UBA5: variants seen among roughly 807,000 people sequenced by gnomAD.
UBA5 encodes the protein ubiquitin like modifier activating enzyme 5, also known as ubiquitin-like modifier-activating enzyme 5.
Under a neutral mutation model 52.9 loss-of-function variants are expected in UBA5, and 28 were observed. The ratio of observed to expected loss-of-function variants is 0.53; its 90% confidence interval spans 0.39 to 0.73. The LOEUF is 0.73. Among genes scored for constraint, UBA5 ranks in the 30% least tolerant of loss-of-function variants. UBA5 has a pLI of 0.00. For missense variants in UBA5, 388 were observed against 492.7 expected (o/e 0.79, Z 2.01); for synonymous variants, 135 against 162.1 (o/e 0.83, Z 1.27).
At position 132,678,596 on chromosome 3, in the gene UBA5, G is replaced by A. The variant is rs1443895309; in HGVS notation, c.*2070G>A. Among the ~76,000 whole-genome samples, 1 of 152,046 alleles carries A rather than the reference G, an allele frequency of 6.6e-6. No homozygotes were observed. Among genetic ancestry groups the A allele is most frequent in the Non-Finnish European group, 1.5e-5 (1 of 67,996 alleles). ...GTTTCTTCTCATAAAAATACTCCCT[G>A]GATACGTACACTGAACAACACAAAA... On this transcript the variant is annotated 3_prime_UTR_variant, in exon 12 of 12. Transcript: ENST00000356232.
chr3:132,671,789 C>G lies in UBA5; in HGVS notation c.592C>G (p.Leu198Val). ...RMTINTACNE[L>V]GQTWMESGVS... ...CATTTCTACTAAGGCTTGTAATGAA[C>G]TTGGACAAACATGGATGGAATCTGG... The change falls in exon 7 of 12, where the codon CTT (leucine) becomes GTT (valine). Residue 198 changes from leucine to valine, a missense_variant. Physicochemically the swap from Leu to Val is conservative, Grantham distance 32. Coordinates refer to ENST00000356232, the MANE Select transcript of UBA5 (RefSeq NM_024818.6). 6.2e-7 allele frequency: 1 copy of G among 1,612,000 alleles called. No homozygotes were observed. The highest frequency in any genetic ancestry group is 8.5e-7 in the Non-Finnish European group (1 of 1,179,348).
intron 6 of UBA5, 113 bp from the exon 7 acceptor site, chr3:132,671,664 C>T: frequency 1.2e-6 from 1 of 800,828 alleles, no homozygotes; most frequent in East Asian, 2.7e-5. Flanking sequence ...CTCATTTGTT[C>T]TGAAAATTAA....
Position 132,668,945 on chromosome 3 carries a change from C to G in UBA5, c.407+18C>G, listed in dbSNP as rs752886771. 6.9e-7 allele frequency: 1 copy of G among 1,447,268 alleles called. No homozygotes were observed. The highest frequency in any genetic ancestry group is 2.3e-5 in the East Asian group (1 of 43,708). 89.7% of individuals were successfully genotyped at this position (1,447,268 alleles called of 1,614,324 possible). A position where few individuals can be genotyped will look rare whatever the true frequency, so the allele number is the denominator to read the frequency against. ...ACTCTGAGGTAAATGGAATAGCAAT[C>G]AAGTACCATATTCAGTGAAATCTTA... On this transcript the variant is annotated intron_variant, in intron 4 of 11. Transcript: ENST00000356232.
Position 132,677,121 on chromosome 3 carries a change from T to C in UBA5, c.*595T>C. The C allele has an allele frequency of 3.9e-6, 1 of 256,044 alleles. No homozygotes were observed. Among genetic ancestry groups the C allele is most frequent in the South Asian group, 4.7e-5 (1 of 21,142 alleles). The allele number at this position is 256,044 out of a possible 1,614,324, so 15.9% of individuals were successfully genotyped here. On this transcript the variant is annotated 3_prime_UTR_variant, in exon 12 of 12. Coordinates refer to ENST00000356232, the MANE Select transcript of UBA5 (RefSeq NM_024818.6). ...GAAATGTAGTTATTGGAAAAGTCTG[T>C]AACCTGTGGATCATATATATTCAAA...
chr3:132,666,656 C>T (rs887887838), intron 3 of UBA5, among the ~76,000 whole-genome samples: 1 of 152,048 alleles, frequency 6.6e-6, no homozygotes, highest in African/African-American at 2.4e-5. Context: ...ATTATATATC[C>T]TTTAATTTGT....
rs1004176986 is a variant in UBA5, at chr3:132,679,241, C to G, written c.*2715C>G. Among the ~76,000 whole-genome samples the G allele has an allele frequency of 9.2e-5, 14 of 151,768 alleles. No homozygotes were observed. Among genetic ancestry groups the G allele is most frequent in the Admixed American group, 7.9e-4 (12 of 15,228 alleles). Reference sequence around the variant, plus strand: ...TGAGATAGTGCCACTGCACTCCAGTCTGGAAAACAGAGTGAGACTCTGTCT... The same window carrying G: ...TGAGATAGTGCCACTGCACTCCAGTGTGGAAAACAGAGTGAGACTCTGTCT... On this transcript the variant is annotated 3_prime_UTR_variant, in exon 12 of 12. Transcript: ENST00000356232.
chr3:132,678,177 T>C lies in UBA5; in HGVS notation c.*1651T>C, dbSNP rs1318111501. On this transcript the variant is annotated 3_prime_UTR_variant, in exon 12 of 12. Coordinates refer to ENST00000356232, the MANE Select transcript of UBA5 (RefSeq NM_024818.6). ...TGCCTGTGTCTTACACTGCACCAAATGTTACCTAATTGACCTAACTTTTTT... is the reference window on the plus strand; with the variant it reads ...TGCCTGTGTCTTACACTGCACCAAACGTTACCTAATTGACCTAACTTTTTT... 2.6e-5 allele frequency: 4 copies of C among 152,178 alleles called. No individual in the cohort carries two copies. The highest frequency in any genetic ancestry group is 9.7e-5 in the African/African-American group (4 of 41,438). 9.4% of individuals were successfully genotyped at this position (152,178 alleles called of 1,614,324 possible). A position where few individuals can be genotyped will look rare whatever the true frequency, so the allele number is the denominator to read the frequency against.
At chr3:132,667,308 C>T (rs947757869) in intron 3 of UBA5, 1 of 152,124 alleles carries the variant, frequency 6.6e-6, no homozygotes, top group Non-Finnish European at 1.5e-5. Context: ...TAGACCACGC[C>T]ATTTTGAGTA....
At chr3:132,659,681 G>C (rs148497159), upstream of UBA5, 4 of 1,611,404 alleles carry the variant, frequency 2.5e-6, no homozygotes, top group South Asian at 4.4e-5. Flanking sequence ...GGCCTCCAGG[G>C]ACTTGCTGTC....
In UBA5 at chr3:132,671,859, C is replaced by G. The variant is rs2107943101; in HGVS notation, c.662C>G (p.Pro221Arg). The change falls in exon 7 of 12, where the codon CCT becomes CGT. Residue 221 changes from proline to arginine, a missense_variant. Pro to Arg is a moderately radical substitution (Grantham distance 103, BLOSUM62 -2). This residue lies in a region of UBA5 where 277 missense variants were observed against 326.4 expected (regional missense o/e 0.85). Coordinates refer to ENST00000356232, the MANE Select transcript of UBA5 (RefSeq NM_024818.6). Reference sequence around the variant, plus strand: ...TCAGGGCATATACAGCTTATAATTCCTGGAGAATCTGCTTGTTTTGCGGTA... The same window carrying G: ...TCAGGGCATATACAGCTTATAATTCGTGGAGAATCTGCTTGTTTTGCGGTA... ...AVSGHIQLIIPGESACFACAP... is the reference protein window; with the variant it reads ...AVSGHIQLIIRGESACFACAP... 1 of 1,613,160 alleles carries G rather than the reference C, an allele frequency of 6.2e-7. No individual in the cohort carries two copies. The highest frequency in any genetic ancestry group is 8.5e-7 in the Non-Finnish European group (1 of 1,179,732).
At position 132,675,916 on chromosome 3, in the gene UBA5, C is replaced by CA. The variant is rs866919812; in HGVS notation, c.1130dup (p.Gln378AlafsTer7). On this transcript the variant is annotated frameshift_variant, in exon 11 of 12. Transcript: ENST00000356232. LOFTEE classifies it high-confidence loss of function. ...GGAATTACAGTGGCATACACAATTC[C>CA]AAAAAAGGTACTTCAAAAATATGAT... The CA allele has an allele frequency of 1.3e-6, 2 of 1,582,072 alleles. No homozygotes were observed. Among genetic ancestry groups the CA allele is most frequent in the Non-Finnish European group, 1.7e-6 (2 of 1,165,932 alleles).
intron 5 of UBA5, 115 bp downstream of exon 5, chr3:132,670,399 T>G: frequency 3.8e-6 from 2 of 524,442 alleles, no homozygotes; most frequent in East Asian, 3.5e-5. Flanking sequence ...ATTTTTCCAT[T>G]TTTTTAGTAC....
chr3:132,677,919 G>A lies in UBA5; in HGVS notation c.*1393G>A, dbSNP rs1008805320. 6 of 152,130 alleles carry A rather than the reference G, an allele frequency of 3.9e-5. No individual in the cohort carries two copies. The highest frequency in any genetic ancestry group is 3.3e-4 in the Admixed American group (5 of 15,276). 9.4% of individuals were successfully genotyped at this position (152,130 alleles called of 1,614,324 possible). ...GGAAACTTATTTATGTTGCCTTGGT[G>A]AGTCTTCTATCATTTTTTAAAAATT... On this transcript the variant is annotated 3_prime_UTR_variant, in exon 12 of 12. Transcript: ENST00000356232.
chr3:132,673,973 C>T lies in UBA5; in HGVS notation c.813-1275C>T, dbSNP rs113946773. Among the ~76,000 whole-genome samples, 183 of 152,214 alleles carry T rather than the reference C, an allele frequency of 1.2e-3. 1 individual carries two copies. The highest frequency in any genetic ancestry group is 3.8e-3 in the African/African-American group (156 of 41,546). Reference sequence around the variant, plus strand: ...GAGCCACTGCACACGGCCTATAGTACACATTTTTTAAAGTAGAATTTCTGA... The same window carrying T: ...GAGCCACTGCACACGGCCTATAGTATACATTTTTTAAAGTAGAATTTCTGA... On this transcript the variant is annotated intron_variant, in intron 8 of 11. Transcript: ENST00000356232.
intron 9 of UBA5, 49 bp downstream of exon 9, chr3:132,675,432 AATAC>A: frequency 1.2e-5 from 19 of 1,589,848 alleles, no homozygotes; most frequent in Non-Finnish European, 1.6e-5. Context: ...TGAATAGGAC[AATAC>A]ATAAACAGAT....
Position 132,668,920 on chromosome 3 carries a change from A to T in UBA5, c.400A>T (p.Thr134Ser). The change falls in exon 4 of 12, where the codon ACT (threonine) becomes TCT (serine). Residue 134 changes from threonine (T) to serine (S), a missense_variant. Physicochemically the swap from Thr to Ser is moderately conservative, Grantham distance 58. Transcript: ENST00000356232. ...GLSKVQAAEH[T>S]LRNINPDVLF... Reference sequence around the variant, plus strand: ...AAGTAAAGTTCAAGCAGCAGAACATACTCTGAGGTAAATGGAATAGCAATC... The same window carrying T: ...AAGTAAAGTTCAAGCAGCAGAACATTCTCTGAGGTAAATGGAATAGCAATC... 1.9e-6 allele frequency: 3 copies of T among 1,593,040 alleles called. No homozygotes were observed. The highest frequency in any genetic ancestry group is 2.6e-6 in the Non-Finnish European group (3 of 1,169,364).
rs1439385415 is a variant in UBA5 at position 132,676,344 on chromosome 3, C to A, written c.1132-99C>A. ...TTGTTAAAGAAAATTTACTTTATAA[C>A]CTTGTTGAGCATGGTCAAAACTTGC... On this transcript the variant is annotated intron_variant, in intron 11 of 11. Coordinates refer to ENST00000356232, the MANE Select transcript of UBA5 (RefSeq NM_024818.6). This position sits in a 1 kb window ranked among gnomAD's most constrained non-coding sequence, Gnocchi z 4.1. 2 of 908,990 alleles carry A rather than the reference C, an allele frequency of 2.2e-6. No individual in the cohort carries two copies. Among genetic ancestry groups the A allele is most frequent in the South Asian group, 1.6e-5 (1 of 64,152 alleles). The allele number at this position is 908,990 out of a possible 1,614,324, so 56.3% of individuals were successfully genotyped here.
upstream of UBA5, chr3:132,660,266 G>C: frequency 3.6e-6 from 2 of 557,634 alleles, no homozygotes; most frequent in African/African-American, 1.9e-5. The surrounding 1 kb of genome is among the most constrained non-coding windows in gnomAD (Gnocchi z 4.1). Context: ...GGGTTTAGCC[G>C]GCCCAGCGAG....
chr3:132,672,035 T>C lies in UBA5; in HGVS notation c.685-15T>C, dbSNP rs372024771. The C allele has an allele frequency of 3.7e-5, 60 of 1,611,110 alleles. No homozygotes were observed. The East Asian group carries it at 5.1e-4, about 14-fold the overall frequency. On this transcript the variant is annotated splice_polypyrimidine_tract_variant and intron_variant, in intron 7 of 11. Transcript: ENST00000356232. Reference sequence around the variant, plus strand: ...TTTCTCTTTTTTTTTGAAATGTGTTTTATTTTTCATGTAGTGTGCTCCACC... The same window carrying C: ...TTTCTCTTTTTTTTTGAAATGTGTTCTATTTTTCATGTAGTGTGCTCCACC...
Sources: gnomAD v4.1 joint callset for allele counts (sites outside exome capture counted in the v4.1 genomes callset) on GRCh38, gnomAD v4.1.1 for gene constraint, gnomAD v4.1.1 regional missense constraint, Gnocchi (gnomAD v3.1) non-coding constraint, MANE v1.5 for transcripts, NCBI Gene and HGNC (gene_info 2026-07-23, HGNC 2026-07-21) for gene names.